Variants in NTNG1 observed in about 807,000 individuals in gnomAD.
The protein encoded by NTNG1 is netrin G1.
In NTNG1, 16 loss-of-function variants were observed where a neutral mutation model predicts 54.0. The ratio of observed to expected loss-of-function variants is 0.30; its 90% CI spans 0.20 to 0.45. The LOEUF is 0.45. Among genes scored for constraint, NTNG1 ranks in the 20% least tolerant of loss-of-function variants. The probability of loss-of-function intolerance (pLI) is 1.00; values close to 1 mark genes in which losing one functional copy is unlikely to be tolerated. For synonymous variants in NTNG1, 255 were observed against 263.1 expected, an observed-to-expected ratio of 0.97 and a Z score of 0.30; for missense variants, 530 against 678.7, an observed-to-expected ratio of 0.78 and a Z score of 2.43.
chr1:107,471,606 C>T (rs4914946), intron 7 of NTNG1, among the ~76,000 whole-genome samples: 53,516 of 151,998 alleles, frequency 0.35, 10,359 homozygotes, highest in Non-Finnish European at 0.43. Context: ...ATATAGAAGT[C>T]GTCTTTGAGA....
chr1:107,162,961 A>G (rs1282513409), intron 2 of NTNG1, among the ~76,000 whole-genome samples: 1 of 152,212 alleles, frequency 6.6e-6, no homozygotes, highest in Non-Finnish European at 1.5e-5. Context: ...AAATTTGGAC[A>G]GCAAGGAAGG....
chr1:107,240,978 T>A (rs1047862610), intron 2 of NTNG1, among the ~76,000 whole-genome samples: 1 of 151,634 alleles, frequency 6.6e-6, no homozygotes, highest in Non-Finnish European at 1.5e-5. Flanking sequence ...TCACTTCGGA[T>A]TTTTTTTTGA....
intron 2 of NTNG1, among the ~76,000 whole-genome samples, chr1:107,200,064 C>T (rs1191014165): frequency 6.6e-6 from 1 of 151,774 alleles, no homozygotes; most frequent in Non-Finnish European, 1.5e-5. Context: ...ATGATTTGTT[C>T]CTTCTTTAGC....
At chr1:107,288,390 T>A (rs1446217429) in intron 2 of NTNG1, among the ~76,000 whole-genome samples, 1 of 152,118 alleles carries the variant, frequency 6.6e-6, no homozygotes, top group Non-Finnish European at 1.5e-5. Flanking sequence ...CTTTGGAGCC[T>A]GTATGTTTGA....
In NTNG1 at chr1:107,442,057, A is replaced by G. The variant is rs373974738; in HGVS notation, c.1390+5258A>G. ...TTCAGAGGAAAATTGGAAAATTTAA[A>G]CATTCTATCTTCCAAAATGGGGGAA... On this transcript the variant is annotated intron_variant, in intron 7 of 7. Transcript: ENST00000370068. Among the ~76,000 whole-genome samples, 5 of 152,252 alleles carry G rather than the reference A, an allele frequency of 3.3e-5. 1 individual carries two copies. Among genetic ancestry groups the G allele is most frequent in the African/African-American group, 9.6e-5 (4 of 41,576 alleles).
At chr1:107,394,142 T>C (rs527554356) in intron 3 of NTNG1, among the ~76,000 whole-genome samples, 20 of 152,210 alleles carry the variant, frequency 1.3e-4, no homozygotes, top group African/African-American at 4.6e-4. Context: ...CTCTCCTATG[T>C]GTGGACCATC....
At chr1:107,393,172 A>G (rs1672470454) in intron 3 of NTNG1, among the ~76,000 whole-genome samples, 1 of 152,190 alleles carries the variant, frequency 6.6e-6, no homozygotes, top group Non-Finnish European at 1.5e-5. Context: ...ATTTACAATT[A>G]CTCCTTGCAT....
At chr1:107,155,035 A>G (rs145112700) in intron 2 of NTNG1, among the ~76,000 whole-genome samples, 1 of 152,184 alleles carries the variant, frequency 6.6e-6, no homozygotes, top group African/African-American at 2.4e-5. Flanking sequence ...TCTGCTTTTA[A>G]TCTAGAGGAT....
At chr1:107,163,820 G>A (rs1293135837) in intron 2 of NTNG1, among the ~76,000 whole-genome samples, 2 of 152,178 alleles carry the variant, frequency 1.3e-5, no homozygotes, top group East Asian at 1.9e-4. Context: ...ATAAATTAAA[G>A]CTCTTTTTAT....
intron 7 of NTNG1, among the ~76,000 whole-genome samples, chr1:107,475,408 T>C (rs143212002): frequency 6.6e-6 from 1 of 152,346 alleles, no homozygotes; most frequent in African/African-American, 2.4e-5. Context: ...TAAAGTTTCC[T>C]GCAAGCTCTG....
intron 2 of NTNG1, among the ~76,000 whole-genome samples, chr1:107,292,244 G>A (rs1350485085): frequency 6.6e-6 from 1 of 151,998 alleles, no homozygotes; most frequent in Admixed American, 6.6e-5. Context: ...GTGGGTCTGC[G>A]GCAACCTCAA....
intron 2 of NTNG1, among the ~76,000 whole-genome samples, chr1:107,280,853 C>CTTATT (rs71275980): frequency 0.069 from 10,085 of 145,168 alleles, 394 homozygotes; most frequent in African/African-American, 0.091. Context: ...AGTCCTCTGA[C>CTTATT]TTATTTTATT....
chr1:107,403,115 T>G (rs1293024379), intron 4 of NTNG1, among the ~76,000 whole-genome samples: 1 of 152,172 alleles, frequency 6.6e-6, no homozygotes, highest in Non-Finnish European at 1.5e-5. Context: ...AGTAGTAAAC[T>G]TATTTAAAAA....
intron 3 of NTNG1, among the ~76,000 whole-genome samples, chr1:107,381,565 A>G (rs1418056173): frequency 6.6e-6 from 1 of 152,162 alleles, no homozygotes; most frequent in Non-Finnish European, 1.5e-5. Context: ...TAAGTTGCAG[A>G]TTGCTGCTCA....
chr1:107,308,246 T>G lies in NTNG1; in HGVS notation c.247-16036T>G, dbSNP rs371284781. On this transcript the variant is annotated intron_variant, in intron 2 of 7. Coordinates refer to ENST00000370068, the MANE Select transcript of NTNG1 (RefSeq NM_001113226.3). ...TTTGCCTGTTCCTATGTCCAGAATG[T>G]TATTGCCTAGGTTGCTTCCAGGGTT... Among the ~76,000 whole-genome samples, 198 of 152,282 alleles carry G rather than the reference T, an allele frequency of 1.3e-3. 1 individual carries two copies. The highest frequency in any genetic ancestry group is 4.6e-3 in the African/African-American group (193 of 41,568).
chr1:107,324,911 G>A lies in NTNG1; in HGVS notation c.876G>A (p.Lys292=), dbSNP rs1667862173. The A allele has an allele frequency of 6.2e-7, 1 of 1,608,312 alleles. No individual in the cohort carries two copies. Among genetic ancestry groups the A allele is most frequent in the South Asian group, 1.1e-5 (1 of 90,726 alleles). The change falls in exon 3 of 8, where the codon AAG becomes AAA. Residue 292 remains lysine, a synonymous_variant. Coordinates refer to ENST00000370068, the MANE Select transcript of NTNG1 (RefSeq NM_001113226.3). ...ACTTTTACGCGATCTCAGACATAAA[G>A]GTGCGAGGAAGGTAAGAGAAAATCT... is the stretch of plus-strand genomic sequence containing the variant. ...ARYFYAISDI[K]VRGRCKCNLH... is the part of the protein sequence containing the mutation.
chr1:107,217,468 C>A (rs1047770807), intron 2 of NTNG1, among the ~76,000 whole-genome samples: 6 of 151,950 alleles, frequency 3.9e-5, no homozygotes, highest in African/African-American at 1.5e-4. Context: ...CTGCTCTGTT[C>A]TTGGTATTTA....
chr1:107,302,471 A>G (rs1666383760), intron 2 of NTNG1, among the ~76,000 whole-genome samples: 2 of 152,078 alleles, frequency 1.3e-5, no homozygotes, highest in South Asian at 2.1e-4. Context: ...TATTATAAAT[A>G]CTATCATTGT....
intron 6 of NTNG1, 58 bp from the exon 7 acceptor site, chr1:107,436,607 G>T: frequency 6.5e-7 from 1 of 1,527,948 alleles, no homozygotes; most frequent in South Asian, 1.3e-5. Flanking sequence ...CTCCTGTGTT[G>T]ATAACCTGTA....
Sources: allele counts gnomAD v4.1 joint callset (sites outside exome capture counted in the v4.1 genomes callset), GRCh38; gene constraint gnomAD v4.1.1; transcripts MANE v1.5; gene names NCBI Gene and HGNC (gene_info 2026-07-23, HGNC 2026-07-21).